Variants in GLDN observed in about 807,000 individuals in gnomAD.
GLDN encodes gliomedin.
GLDN carries 47 observed loss-of-function variants against 56.5 expected under a neutral mutation model. The ratio of observed to expected loss-of-function variants is 0.83; its 90% confidence interval spans 0.66 to 1.06. GLDN has a LOEUF of 1.06. GLDN is among the 50% of genes least tolerant of loss of function. The pLI is 0.00. For synonymous variants in GLDN, 332 were observed against 278.8 expected, an observed-to-expected ratio of 1.19 and a Z score of -1.90; for missense variants, 782 against 714.3, an observed-to-expected ratio of 1.09 and a Z score of -1.08.
At chr15:51,384,597 G>C (rs975657713) in intron 4 of GLDN, 1 of 153,728 alleles carries the variant, frequency 6.5e-6, no homozygotes, top group Non-Finnish European at 1.4e-5. Flanking sequence ...CAGGAGGCTG[G>C]GGCACAAAGG....
chr15:51,391,808 T>C (rs1010367187), intron 4 of GLDN, among the ~76,000 whole-genome samples: 1 of 152,228 alleles, frequency 6.6e-6, no homozygotes, highest in African/African-American at 2.4e-5. Context: ...GGCCCCCTGC[T>C]CCTCTTCACA....
intron 1 of GLDN, among the ~76,000 whole-genome samples, chr15:51,364,329 C>A (rs765967208): frequency 6.6e-6 from 1 of 152,166 alleles, no homozygotes; most frequent in Admixed American, 6.5e-5. Flanking sequence ...GTTCACTAAC[C>A]TTTCATCTGC....
intron 1 of GLDN, among the ~76,000 whole-genome samples, chr15:51,348,178 C>T (rs1315696761): frequency 1.3e-5 from 2 of 152,080 alleles, no homozygotes; most frequent in Non-Finnish European, 2.9e-5. Context: ...CAATAGAGCA[C>T]GGTAGGGACT....
chr15:51,377,415 A>G (rs1465549428), intron 1 of GLDN, 34 bp from the exon 2 acceptor site: 28 of 1,589,370 alleles, frequency 1.8e-5, no homozygotes, highest in Non-Finnish European at 2.3e-5. Flanking sequence ...CCTGCTGCCC[A>G]CTGTCTGCTC....
At chr15:51,363,330 A>G (rs1009971302) in intron 1 of GLDN, among the ~76,000 whole-genome samples, 2 of 152,198 alleles carry the variant, frequency 1.3e-5, no homozygotes, top group Non-Finnish European at 2.9e-5. Context: ...AATTCAATCA[A>G]TCAACTGTAT....
intron 1 of GLDN, among the ~76,000 whole-genome samples, chr15:51,343,159 C>T (rs2036916344): frequency 6.6e-6 from 1 of 152,150 alleles, no homozygotes; most frequent in Admixed American, 6.5e-5. Context: ...CTTAAACTTC[C>T]GTTATCACAG....
At chr15:51,352,286 T>C (rs2037091204) in intron 1 of GLDN, among the ~76,000 whole-genome samples, 1 of 152,120 alleles carries the variant, frequency 6.6e-6, no homozygotes, top group Non-Finnish European at 1.5e-5. Context: ...ATAAAATCAT[T>C]TTTATAAGGT....
At chr15:51,377,418 G>A (rs773548307) in intron 1 of GLDN, 31 bp from the exon 2 acceptor site, 19 of 1,598,158 alleles carry the variant, frequency 1.2e-5, no homozygotes, top group Non-Finnish European at 1.6e-5. Context: ...GCTGCCCACT[G>A]TCTGCTCTGA....
chr15:51,342,128 TCTCCCCTGGCCAGGCTG>T, intron 1 of GLDN, 81 bp downstream of exon 1: 2 of 1,169,888 alleles, frequency 1.7e-6, no homozygotes, highest in Non-Finnish European at 2.2e-6. Flanking sequence ...GACGCCCTCT[TCTCCCCTGGCCAGGCTG>T]CGAGGTGCTG....
intron 4 of GLDN, among the ~76,000 whole-genome samples, chr15:51,386,606 G>T (rs2037899204): frequency 6.6e-6 from 1 of 152,236 alleles, no homozygotes; most frequent in Non-Finnish European, 1.5e-5. Context: ...TCTAAATGCT[G>T]CTGTGGCTGC....
chr15:51,379,008 T>C (rs1034631679), intron 2 of GLDN, among the ~76,000 whole-genome samples: 3 of 152,160 alleles, frequency 2.0e-5, no homozygotes, highest in Admixed American at 6.5e-5. Flanking sequence ...GATTCATCTT[T>C]GAAAAAGCAG....
In GLDN at chr15:51,381,982, T is replaced by A. The variant is rs575018930; in HGVS notation, c.416-1454T>A. 2.1e-3 allele frequency among the ~76,000 whole-genome samples: 318 copies of A among 152,278 alleles called. 2 individuals are homozygous for A. The highest frequency in any genetic ancestry group is 7.3e-3 in the African/African-American group (302 of 41,548). The stretch of plus-strand genomic sequence containing the variant: ...ACCATCTACACCTCCTGGTTTGACA[T>A]TCAAGTGCTTCTGCCACCCACCATA... On this transcript the variant is annotated intron_variant, in intron 2 of 9. Coordinates refer to ENST00000335449, the MANE Select transcript of GLDN (RefSeq NM_181789.4).
At chr15:51,356,247 C>T (rs1327930036) in intron 1 of GLDN, among the ~76,000 whole-genome samples, 1 of 151,672 alleles carries the variant, frequency 6.6e-6, no homozygotes, top group Non-Finnish European at 1.5e-5. Flanking sequence ...GGGAAGGCAG[C>T]CCAGCAGGTG....
intron 5 of GLDN, 40 bp downstream of exon 5, chr15:51,395,021 C>T (rs547241045): frequency 1.6e-5 from 24 of 1,510,662 alleles, no homozygotes; most frequent in South Asian, 1.4e-4. Flanking sequence ...AGGGCTTGTG[C>T]GCCCAGAGAA....
chr15:51,353,669 A>G lies in GLDN; in HGVS notation c.363+11622A>G, dbSNP rs192396530. 3.9e-4 allele frequency among the ~76,000 whole-genome samples: 54 copies of G among 139,002 alleles called. 1 individual carries two copies. The Admixed American group carries it at 3.9e-3, about 10-fold the overall frequency. The allele number at this position is 139,002 out of a possible 152,430, so 91.2% of individuals were successfully genotyped here. On this transcript the variant is annotated intron_variant, in intron 1 of 9. Transcript: ENST00000335449. ...TTAGGGGTCTTGTGTTCTCCAGGAT[A>G]TTGTTGCCAATGTGGGAACTATCAG...
At chr15:51,374,584 T>A (rs1319700804) in intron 1 of GLDN, among the ~76,000 whole-genome samples, 1 of 152,178 alleles carries the variant, frequency 6.6e-6, no homozygotes, top group African/African-American at 2.4e-5. Context: ...ATTAAATGGA[T>A]AAGTGTACTC....
At chr15:51,380,148 G>T (rs1464788578) in intron 2 of GLDN, among the ~76,000 whole-genome samples, 1 of 152,206 alleles carries the variant, frequency 6.6e-6, no homozygotes, top group Non-Finnish European at 1.5e-5. Context: ...GGTGGTGGGA[G>T]TTGGGACCCC....
At chr15:51,379,999 C>T (rs2037721692) in intron 2 of GLDN, among the ~76,000 whole-genome samples, 1 of 152,126 alleles carries the variant, frequency 6.6e-6, no homozygotes, top group Non-Finnish European at 1.5e-5. Flanking sequence ...CTCAGGCACG[C>T]AGGGCACCAC....
At chr15:51,358,635 C>T (rs570117659) in intron 1 of GLDN, among the ~76,000 whole-genome samples, 4 of 152,142 alleles carry the variant, frequency 2.6e-5, no homozygotes. Context: ...AGGGGATGCC[C>T]TAGGGCTAGT....
Sources: gnomAD v4.1 joint callset for allele counts (sites outside exome capture counted in the v4.1 genomes callset) on GRCh38, gnomAD v4.1.1 for gene constraint, MANE v1.5 for transcripts, NCBI Gene and HGNC (gene_info 2026-07-23, HGNC 2026-07-21) for gene names.